Variants in SNX29 observed in about 807,000 individuals in gnomAD.
SNX29 encodes sorting nexin-29.
In SNX29, 78 loss-of-function variants were observed where a neutral mutation model predicts 102.1. That is an observed-to-expected ratio of 0.76 (90% confidence interval 0.64 to 0.92). SNX29 has a LOEUF of 0.92. Among genes scored for constraint, SNX29 ranks in the 40% least tolerant of loss-of-function variants. The pLI is 0.00. For synonymous variants in SNX29, 580 were observed against 414.5 expected, an observed-to-expected ratio of 1.40 and a Z score of -4.85; for missense variants, 1,280 against 1,061.7, an observed-to-expected ratio of 1.21 and a Z score of -2.86.
intron 13 of SNX29, among the ~76,000 whole-genome samples, chr16:12,133,119 G>A (rs2054529615): frequency 6.6e-6 from 1 of 152,122 alleles, no homozygotes; most frequent in South Asian, 2.1e-4. Context: ...AGGTGTGTGT[G>A]TGTTTAGGTG....
Position 12,159,106 on chromosome 16 carries a change from A to G in SNX29, c.1595+29348A>G, listed in dbSNP as rs115966720. ...ATTATCTTAGCAATTAGCTGGAATG[A>G]AGGTTCCATGTGCCCTCTACTGAGG... On this transcript the variant is annotated intron_variant, in intron 13 of 20. Transcript: ENST00000566228. Among the ~76,000 whole-genome samples the G allele has an allele frequency of 2.5e-3, 380 of 152,326 alleles. 1 individual carries two copies. Among genetic ancestry groups the G allele is most frequent in the African/African-American group, 8.2e-3 (342 of 41,562 alleles).
At chr16:12,467,282 C>T (rs1428792574) in intron 18 of SNX29, among the ~76,000 whole-genome samples, 1 of 152,196 alleles carries the variant, frequency 6.6e-6, no homozygotes. Flanking sequence ...CATCTGTGTT[C>T]TCTCTCCAGT....
At chr16:12,014,175 G>C (rs1457373356) in intron 3 of SNX29, among the ~76,000 whole-genome samples, 1 of 152,092 alleles carries the variant, frequency 6.6e-6, no homozygotes, top group Admixed American at 6.6e-5. Context: ...CAGACTTGGA[G>C]ATCCCATTGA....
intron 4 of SNX29, among the ~76,000 whole-genome samples, chr16:12,031,572 T>C (rs929318968): frequency 6.6e-6 from 1 of 151,586 alleles, no homozygotes; most frequent in African/African-American, 2.4e-5. Context: ...TTTGGGAGGC[T>C]GAGGCGGGCG....
In SNX29 at chr16:12,572,258, G is replaced by A. The variant is rs764442878; in HGVS notation, c.*3629G>A. On this transcript the variant is annotated 3_prime_UTR_variant, in exon 21 of 21. Transcript: ENST00000566228. ...TTTACACCAGGTGGATTGATACCAT[G>A]GCTGTAGCTGATGCAACTAACAAGT... The A allele has an allele frequency of 3.8e-6, 4 of 1,056,682 alleles. No individual in the cohort carries two copies. The highest frequency in any genetic ancestry group is 4.6e-6 in the Non-Finnish European group (4 of 872,232). 65.5% of individuals were successfully genotyped at this position (1,056,682 alleles called of 1,614,324 possible). A position where few individuals can be genotyped will look rare whatever the true frequency, so the allele number is the denominator to read the frequency against.
At chr16:12,135,679 G>A in intron 13 of SNX29, 1 of 1,215,992 alleles carries the variant, frequency 8.2e-7, no homozygotes, top group Non-Finnish European at 1.1e-6. Flanking sequence ...CTTTCCTGAA[G>A]CTGTGTTTCC....
chr16:12,354,765 C>G (rs2082084335), intron 15 of SNX29, among the ~76,000 whole-genome samples: 1 of 151,992 alleles, frequency 6.6e-6, no homozygotes. Flanking sequence ...TGTTAAAGGC[C>G]CAAAGACGAT....
chr16:12,556,907 T>TA (rs1356310524), intron 20 of SNX29, among the ~76,000 whole-genome samples: 5 of 149,892 alleles, frequency 3.3e-5, no homozygotes, highest in Non-Finnish European at 1.5e-5. Flanking sequence ...ACCTTGAGTG[T>TA]AGTGGCATGA....
chr16:12,068,504 A>AAG (rs1222708959), intron 9 of SNX29, among the ~76,000 whole-genome samples: 1 of 151,522 alleles, frequency 6.6e-6, no homozygotes, highest in African/African-American at 2.4e-5. Flanking sequence ...TCTCAAAAAA[A>AAG]AAAAAAAAAA....
At chr16:12,349,849 T>C (rs1248290922) in intron 15 of SNX29, among the ~76,000 whole-genome samples, 3 of 152,236 alleles carry the variant, frequency 2.0e-5, no homozygotes, top group Non-Finnish European at 2.9e-5. Context: ...ACAGCACTTA[T>C]AGGTCAATGC....
chr16:12,513,343 GC>G lies in SNX29; in HGVS notation c.2179-11356del, dbSNP rs1433254999. On this transcript the variant is annotated intron_variant, in intron 19 of 20. Coordinates refer to ENST00000566228, the MANE Select transcript of SNX29 (RefSeq NM_032167.5). ...TCCCTTCCCCTGCCTGCCCTGCCCT[GC>G]CCTGCTCTCTTCTCCTCAGCCTTCC... Among the ~76,000 whole-genome samples the G allele has an allele frequency of 2.9e-5, 4 of 139,536 alleles. No individual in the cohort carries two copies. The East Asian group carries it at 8.3e-4, about 29-fold the overall frequency. 91.5% of individuals were successfully genotyped at this position (139,536 alleles called of 152,430 possible).
intron 14 of SNX29, among the ~76,000 whole-genome samples, chr16:12,274,501 T>G (rs898403815): frequency 6.6e-6 from 1 of 152,144 alleles, no homozygotes; most frequent in Non-Finnish European, 1.5e-5. Flanking sequence ...TCTTGATCTC[T>G]TCTCCATTTG....
intron 14 of SNX29, among the ~76,000 whole-genome samples, chr16:12,264,172 G>A (rs1281053550): frequency 6.6e-6 from 1 of 152,204 alleles, no homozygotes; most frequent in Non-Finnish European, 1.5e-5. Context: ...GGTCTGTCTG[G>A]CCCCAGCCCC....
chr16:12,276,411 A>C (rs1244667091), intron 14 of SNX29, among the ~76,000 whole-genome samples: 1 of 152,120 alleles, frequency 6.6e-6, no homozygotes, highest in African/African-American at 2.4e-5. Flanking sequence ...GGCGGGCTCT[A>C]ACAGTGTGGT....
At chr16:12,192,925 C>T (rs1326784340) in intron 13 of SNX29, among the ~76,000 whole-genome samples, 2 of 152,182 alleles carry the variant, frequency 1.3e-5, no homozygotes, top group Non-Finnish European at 2.9e-5. Flanking sequence ...TGGTCTTGAA[C>T]TCCTGACCTC....
intron 14 of SNX29, among the ~76,000 whole-genome samples, chr16:12,229,187 G>C (rs187443485): frequency 2.0e-5 from 3 of 152,280 alleles, no homozygotes; most frequent in Non-Finnish European, 4.4e-5. Flanking sequence ...ACTTGTTTTC[G>C]GTTTCTCCAC....
At chr16:12,033,345 C>T (rs1278305145) in intron 4 of SNX29, among the ~76,000 whole-genome samples, 6 of 151,370 alleles carry the variant, frequency 4.0e-5, no homozygotes, top group Non-Finnish European at 7.4e-5. Flanking sequence ...CTAAGTGATC[C>T]TCCCACCTTG....
intron 14 of SNX29, among the ~76,000 whole-genome samples, chr16:12,249,532 C>T (rs1441703319): frequency 1.3e-5 from 2 of 152,058 alleles, no homozygotes; most frequent in African/African-American, 4.8e-5. Context: ...CATTCCAGGC[C>T]ACTGGTCTAA....
At chr16:12,356,717 C>G (rs2082146974) in intron 16 of SNX29, among the ~76,000 whole-genome samples, 1 of 152,214 alleles carries the variant, frequency 6.6e-6, no homozygotes, top group Non-Finnish European at 1.5e-5. Flanking sequence ...AATCCACGTA[C>G]ATCAGGTACA....
Sources: gnomAD v4.1 joint callset for allele counts (sites outside exome capture counted in the v4.1 genomes callset) on GRCh38, gnomAD v4.1.1 for gene constraint, MANE v1.5 for transcripts, NCBI Gene and HGNC (gene_info 2026-07-23, HGNC 2026-07-21) for gene names.